PRKG1: variants seen among roughly 807,000 people sequenced by gnomAD.
The protein encoded by PRKG1 is cGMP-dependent protein kinase 1.
Under a neutral mutation model 88.1 loss-of-function variants are expected in PRKG1, and 35 were observed. That is an observed-to-expected ratio of 0.40 (90% CI 0.30 to 0.53). The LOEUF (loss-of-function observed/expected upper bound fraction) is 0.53. PRKG1 is among the 20% of genes least tolerant of loss of function. The pLI, the probability that PRKG1 is intolerant of heterozygous loss-of-function variation, is 0.59. For missense variants in PRKG1, 540 were observed against 839.8 expected (o/e 0.64, Z 4.41); for synonymous variants, 303 against 292.5 (o/e 1.04, Z -0.37).
chr10:51,914,407 A>G (rs1842293029), intron 5 of PRKG1, among the ~76,000 whole-genome samples: 1 of 152,198 alleles, frequency 6.6e-6, no homozygotes, highest in Non-Finnish European at 1.5e-5. Context: ...AAGTTGAGAT[A>G]CCTTGAGGAA....
intron 2 of PRKG1, among the ~76,000 whole-genome samples, chr10:51,227,847 G>T (rs1431616713): frequency 1.3e-5 from 2 of 152,182 alleles, no homozygotes; most frequent in Non-Finnish European, 2.9e-5. Context: ...AAAAGTGCTT[G>T]CAATCACAGC....
intron 3 of PRKG1, among the ~76,000 whole-genome samples, chr10:51,770,527 G>A (rs144899202): frequency 2.6e-5 from 4 of 152,306 alleles, no homozygotes; most frequent in African/African-American, 9.6e-5. Context: ...ATACCAGCCC[G>A]TAGCCTCTTA....
chr10:51,706,741 C>T (rs1471265396), intron 3 of PRKG1, among the ~76,000 whole-genome samples: 3 of 152,064 alleles, frequency 2.0e-5, no homozygotes, highest in African/African-American at 4.8e-5. Flanking sequence ...CTACCTAGTT[C>T]AACACGTAAT....
At chr10:52,025,776 G>C (rs1360178047) in intron 5 of PRKG1, among the ~76,000 whole-genome samples, 1 of 151,676 alleles carries the variant, frequency 6.6e-6, no homozygotes, top group Non-Finnish European at 1.5e-5. Flanking sequence ...CTCCAGCTTA[G>C]GATTGTATTG....
chr10:52,229,504 T>C (rs1396266190), intron 9 of PRKG1, among the ~76,000 whole-genome samples: 1 of 152,214 alleles, frequency 6.6e-6, no homozygotes, highest in Non-Finnish European at 1.5e-5. Context: ...AAGAGGGGTC[T>C]ATCTACAGGA....
chr10:51,211,170 T>C (rs1838207501), intron 2 of PRKG1, among the ~76,000 whole-genome samples: 1 of 151,876 alleles, frequency 6.6e-6, no homozygotes, highest in South Asian at 2.1e-4. Context: ...CATACGAAAA[T>C]CGATAAACGT....
At chr10:51,591,442 CT>C (rs1289058838) in intron 3 of PRKG1, among the ~76,000 whole-genome samples, 2 of 152,138 alleles carry the variant, frequency 1.3e-5, no homozygotes, top group Non-Finnish European at 2.9e-5. Flanking sequence ...AAAGATTTAA[CT>C]TTTGATTTTT....
chr10:51,196,449 A>G (rs1262182916), intron 2 of PRKG1, among the ~76,000 whole-genome samples: 1 of 152,198 alleles, frequency 6.6e-6, no homozygotes, highest in African/African-American at 2.4e-5. Context: ...TATAGGAAGA[A>G]TGAAATTAGG....
chr10:51,656,813 A>G (rs1840172088), intron 3 of PRKG1, among the ~76,000 whole-genome samples: 1 of 152,140 alleles, frequency 6.6e-6, no homozygotes, highest in South Asian at 2.1e-4. Context: ...CCTTTTCAAC[A>G]GGACTCCTTA....
intron 5 of PRKG1, among the ~76,000 whole-genome samples, chr10:51,940,629 T>C (rs963561623): frequency 1.3e-5 from 2 of 151,846 alleles, no homozygotes; most frequent in Non-Finnish European, 1.5e-5. Context: ...ACATCAAGCT[T>C]TACAGAGTCA....
chr10:51,809,458 A>G (rs536991437), intron 4 of PRKG1, among the ~76,000 whole-genome samples: 1 of 152,316 alleles, frequency 6.6e-6, no homozygotes, highest in African/African-American at 2.4e-5. Context: ...GCCAGAGTTA[A>G]TTTGTGTTAC....
At chr10:51,967,466 G>A (rs185745369) in intron 5 of PRKG1, among the ~76,000 whole-genome samples, 8 of 152,098 alleles carry the variant, frequency 5.3e-5, no homozygotes, top group African/African-American at 1.4e-4. Context: ...TGTATACGAC[G>A]TGTTAATGGG....
intron 3 of PRKG1, among the ~76,000 whole-genome samples, chr10:51,689,239 A>ACTGTCTATCTATCTAT (rs1554832294): frequency 6.7e-6 from 1 of 150,220 alleles, no homozygotes. Flanking sequence ...AAATCTATCT[A>ACTGTCTATCTATCTAT]CTATCTATCT....
intron 2 of PRKG1, among the ~76,000 whole-genome samples, chr10:51,374,365 T>C (rs1188290158): frequency 6.6e-6 from 1 of 151,364 alleles, no homozygotes; most frequent in Non-Finnish European, 1.5e-5. Flanking sequence ...GTTGTGTTGG[T>C]TTGCTGAGAA....
At chr10:51,429,925 G>A (rs907229265) in intron 2 of PRKG1, among the ~76,000 whole-genome samples, 2 of 151,828 alleles carry the variant, frequency 1.3e-5, no homozygotes, top group African/African-American at 2.4e-5. Flanking sequence ...CAGAAAGGAA[G>A]AAGAAAGAAA....
intron 3 of PRKG1, chr10:51,699,373 A>G (rs1351575000): frequency 4.3e-6 from 7 of 1,614,032 alleles, no homozygotes; most frequent in Non-Finnish European, 5.9e-6. Flanking sequence ...CGCAGAAGCC[A>G]TAGCCCTTGG....
At chr10:51,369,067 C>T (rs529991274) in intron 2 of PRKG1, among the ~76,000 whole-genome samples, 30 of 152,168 alleles carry the variant, frequency 2.0e-4, no homozygotes, top group African/African-American at 4.3e-4. Flanking sequence ...CTGGAGATTT[C>T]GAAGCCCAAG....
intron 2 of PRKG1, among the ~76,000 whole-genome samples, chr10:51,363,451 A>G (rs1264468349): frequency 6.6e-6 from 1 of 151,976 alleles, no homozygotes; most frequent in Non-Finnish European, 1.5e-5. Flanking sequence ...AATCAAATAT[A>G]GAGAGAAGGA....
chr10:52,157,316 T>TATAC (rs1838143414), intron 8 of PRKG1, among the ~76,000 whole-genome samples: 2 of 43,600 alleles, frequency 4.6e-5, no homozygotes, highest in African/African-American at 1.1e-4. Flanking sequence ...GATATATATA[T>TATAC]ATATATATAT....
Sources: gnomAD v4.1 joint callset for allele counts (sites outside exome capture counted in the v4.1 genomes callset) on GRCh38, gnomAD v4.1.1 for gene constraint, MANE v1.5 for transcripts, NCBI Gene and HGNC (gene_info 2026-07-23, HGNC 2026-07-21) for gene names.